Variants in SLAIN1 observed in about 807,000 individuals in gnomAD.
The protein encoded by SLAIN1 is SLAIN motif-containing protein 1.
Under a neutral mutation model 55.4 loss-of-function variants are expected in SLAIN1, and 17 were observed. That is an observed-to-expected ratio of 0.31 (90% confidence interval 0.21 to 0.46). SLAIN1 has a LOEUF of 0.46. SLAIN1 is among the 20% of genes least tolerant of loss of function. The pLI is 1.00. For missense variants in SLAIN1, 682 were observed against 785.1 expected, an observed-to-expected ratio of 0.87 and a Z score of 1.57; for synonymous variants, 348 against 337.4, an observed-to-expected ratio of 1.03 and a Z score of -0.35.
At chr13:77,757,606 C>T (rs1874696555) in intron 5 of SLAIN1, among the ~76,000 whole-genome samples, 2 of 151,970 alleles carry the variant, frequency 1.3e-5, no homozygotes, top group South Asian at 2.1e-4. Flanking sequence ...CCCCACAAGT[C>T]CCCAGAGTCC....
At chr13:77,733,457 CATACAT>C (rs1028542492) in intron 2 of SLAIN1, among the ~76,000 whole-genome samples, 10 of 152,076 alleles carry the variant, frequency 6.6e-5, no homozygotes, top group African/African-American at 2.4e-4. Flanking sequence ...CATAGGTACT[CATACAT>C]ATATATGATG....
At chr13:77,712,784 G>T (rs2091165926) in intron 1 of SLAIN1, among the ~76,000 whole-genome samples, 1 of 152,134 alleles carries the variant, frequency 6.6e-6, no homozygotes. Flanking sequence ...AAAGCTGGAG[G>T]TATCATGCTA....
intron 3 of SLAIN1, among the ~76,000 whole-genome samples, chr13:77,745,475 A>G (rs190115047): frequency 2.2e-4 from 33 of 152,214 alleles, no homozygotes; most frequent in Admixed American, 3.9e-4. Flanking sequence ...GAAAGAGTAG[A>G]TAAGTAGAAA....
intron 2 of SLAIN1, among the ~76,000 whole-genome samples, chr13:77,725,778 A>C (rs1476071252): frequency 6.6e-6 from 1 of 152,048 alleles, no homozygotes; most frequent in Non-Finnish European, 1.5e-5. Context: ...TCTTGGCTGC[A>C]AGTTAGCCAC....
At chr13:77,699,253 AT>A (rs908909911) in intron 1 of SLAIN1, 2 of 366,394 alleles carry the variant, frequency 5.5e-6, no homozygotes, top group Non-Finnish European at 9.7e-6. Context: ...TTATTTATTT[AT>A]TTTTTTACCT....
Position 77,698,656 on chromosome 13 carries a change from G to A in SLAIN1, c.626+117G>A. 7.8e-7 allele frequency: 1 copy of A among 1,286,254 alleles called. No individual in the cohort carries two copies. Among genetic ancestry groups the A allele is most frequent in the African/African-American group, 1.5e-5 (1 of 64,762 alleles). The allele number at this position is 1,286,254 out of a possible 1,614,324, so 79.7% of individuals were successfully genotyped here. A position where few individuals can be genotyped will look rare whatever the true frequency, so the allele number is the denominator to read the frequency against. ...CGCGGCAGCCGGGGTGACTCCCCGC[G>A]GCTCCCGGAGGGGCCGACCCAGCAG... On this transcript the variant is annotated intron_variant, in intron 1 of 6. Transcript: ENST00000418532. This position sits in a 1 kb window ranked among gnomAD's most constrained non-coding sequence, Gnocchi z 4.1.
intron 4 of SLAIN1, among the ~76,000 whole-genome samples, chr13:77,748,398 C>CTTTTTTTTT (rs934265928): frequency 5.0e-5 from 4 of 79,564 alleles, no homozygotes; most frequent in African/African-American, 1.0e-4. Context: ...TTCTCTAAAG[C>CTTTTTTTTT]TTTTTTTTTT....
intron 4 of SLAIN1, among the ~76,000 whole-genome samples, chr13:77,748,093 A>G (rs1873957813): frequency 6.6e-6 from 1 of 152,156 alleles, no homozygotes; most frequent in Admixed American, 6.6e-5. Context: ...TTATAGGCCA[A>G]ATATAAATTT....
Position 77,760,963 on chromosome 13 carries a change from G to A in SLAIN1, c.1550G>A (p.Gly517Asp). The stretch of plus-strand genomic sequence containing the variant: ...AGCAGTAACATGCCTTTATCAAACG[G>A]CTTACAGCTGTATTCCAACACAGGA... ...QGSSNMPLSN[G>D]LQLYSNTGIP... The change falls in exon 6 of 7, where the codon GGC becomes GAC. Residue 517 changes from glycine to aspartate, a missense_variant. Physicochemically the swap from Gly to Asp is moderately conservative, Grantham distance 94 (BLOSUM62 -1). Transcript: ENST00000418532. 2.5e-6 allele frequency: 4 copies of A among 1,614,154 alleles called. No homozygotes were observed. In the South Asian group the frequency reaches 3.3e-5, roughly 13 times the overall value.
At chr13:77,699,536 T>G (rs7339291) in intron 1 of SLAIN1, among the ~76,000 whole-genome samples, 31,049 of 152,020 alleles carry the variant, frequency 0.2, 3,385 homozygotes, top group Admixed American at 0.25. Context: ...TTTCATTACT[T>G]TCTTTGTGTC....
chr13:77,719,806 A>C, intron 2 of SLAIN1, 135 bp downstream of exon 2: 1 of 860,296 alleles, frequency 1.2e-6, no homozygotes, highest in South Asian at 1.9e-5. Flanking sequence ...AATTTGCTTC[A>C]CATGTATTAC....
Position 77,699,019 on chromosome 13 carries a change from T to C in SLAIN1, c.626+480T>C, listed in dbSNP as rs562879544. 27 of 1,535,354 alleles carry C rather than the reference T, an allele frequency of 1.8e-5. No individual in the cohort carries two copies. The East Asian group carries it at 6.1e-4, about 35-fold the overall frequency. ...GCGTGCTCTTCCTCCTCGGGTGGCATCGGAAGCCGCGCAGTGATGGATCTC... is the reference window on the plus strand; with the variant it reads ...GCGTGCTCTTCCTCCTCGGGTGGCACCGGAAGCCGCGCAGTGATGGATCTC... On this transcript the variant is annotated intron_variant, in intron 1 of 6. Coordinates refer to ENST00000418532, the MANE Select transcript of SLAIN1 (RefSeq NM_001242868.2).
chr13:77,739,955 GA>G (rs146716361), intron 2 of SLAIN1, among the ~76,000 whole-genome samples: 11 of 151,196 alleles, frequency 7.3e-5, no homozygotes, highest in Non-Finnish European at 1.5e-4. Flanking sequence ...TTATATTTTT[GA>G]AAAAAAATGA....
chr13:77,704,287 TAG>T (rs1406691278), intron 1 of SLAIN1, among the ~76,000 whole-genome samples: 1 of 94,108 alleles, frequency 1.1e-5, no homozygotes, highest in African/African-American at 3.5e-5. Context: ...AATATATACA[TAG>T]GTTTTATATG....
At chr13:77,736,047 G>A (rs563289808) in intron 2 of SLAIN1, among the ~76,000 whole-genome samples, 6 of 152,090 alleles carry the variant, frequency 3.9e-5, no homozygotes, top group African/African-American at 1.4e-4. Flanking sequence ...AGAATGATAA[G>A]GCAGGCACAC....
At chr13:77,745,799 A>T (rs190392049) in intron 3 of SLAIN1, among the ~76,000 whole-genome samples, 1 of 152,256 alleles carries the variant, frequency 6.6e-6, no homozygotes, top group African/African-American at 2.4e-5. Flanking sequence ...CTTTCTAAAA[A>T]TATATATGGC....
chr13:77,763,433 G>A lies in SLAIN1; in HGVS notation c.*213G>A. On this transcript the variant is annotated 3_prime_UTR_variant, in exon 7 of 7. Coordinates refer to ENST00000418532, the MANE Select transcript of SLAIN1 (RefSeq NM_001242868.2). ...CTGCAACATTCTCAAACCCATGGTTGCAGTATTGTGACACTTAGATCTAGG... is the reference window on the plus strand; with the variant it reads ...CTGCAACATTCTCAAACCCATGGTTACAGTATTGTGACACTTAGATCTAGG... 1 of 551,734 alleles carries A rather than the reference G, an allele frequency of 1.8e-6. No homozygotes were observed. Among genetic ancestry groups the A allele is most frequent in the Non-Finnish European group, 3.2e-6 (1 of 310,932 alleles). 34.2% of individuals were successfully genotyped at this position (551,734 alleles called of 1,614,324 possible). A position where few individuals can be genotyped will look rare whatever the true frequency, so the allele number is the denominator to read the frequency against.
intron 4 of SLAIN1, among the ~76,000 whole-genome samples, chr13:77,752,856 T>C (rs1433570824): frequency 1.3e-5 from 2 of 152,196 alleles, no homozygotes; most frequent in Non-Finnish European, 2.9e-5. Flanking sequence ...GCTGATTAGA[T>C]GGTGCCTATC....
intron 1 of SLAIN1, among the ~76,000 whole-genome samples, chr13:77,705,017 A>G (rs1360526437): frequency 6.8e-6 from 1 of 146,758 alleles, no homozygotes; most frequent in Non-Finnish European, 1.5e-5. Flanking sequence ...GAGGTTTTAT[A>G]TGTATATATA....
Sources: gnomAD v4.1 joint callset for allele counts (sites outside exome capture counted in the v4.1 genomes callset) on GRCh38, gnomAD v4.1.1 for gene constraint, Gnocchi (gnomAD v3.1) non-coding constraint, MANE v1.5 for transcripts, NCBI Gene and HGNC (gene_info 2026-07-23, HGNC 2026-07-21) for gene names.